Variants in SLC4A4 observed in about 807,000 individuals in gnomAD.
The protein encoded by SLC4A4 is electrogenic sodium bicarbonate cotransporter 1.
A neutral mutation model predicts 111.5 loss-of-function variants in SLC4A4; 27 were observed. The ratio of observed to expected loss-of-function variants is 0.24; its 90% confidence interval spans 0.18 to 0.33. The LOEUF (loss-of-function observed/expected upper bound fraction) is 0.33. Ranked by LOEUF, SLC4A4 falls within the 10% of genes least tolerant of loss-of-function variation. The probability of loss-of-function intolerance (pLI) is 1.00; values close to 1 mark genes in which losing one functional copy is unlikely to be tolerated. For missense variants in SLC4A4, 909 were observed against 1,315.5 expected (o/e 0.69, Z 4.78); for synonymous variants, 443 against 463.4 (o/e 0.96, Z 0.57).
At chr4:71,468,336 A>G (rs149282809) in intron 13 of SLC4A4, among the ~76,000 whole-genome samples, 190 of 152,222 alleles carry the variant, frequency 1.2e-3, no homozygotes, top group African/African-American at 4.4e-3. Context: ...AACTTTGCAG[A>G]AAGATTTATT....
intron 3 of SLC4A4, among the ~76,000 whole-genome samples, chr4:71,336,287 T>TA (rs36074139): frequency 2.6e-5 from 4 of 151,962 alleles, no homozygotes; most frequent in Non-Finnish European, 4.4e-5. Context: ...TGCATGACTG[T>TA]AAAAAAAAGA....
intron 7 of SLC4A4, among the ~76,000 whole-genome samples, chr4:71,428,811 GA>G (rs930117268): frequency 2.0e-5 from 3 of 151,974 alleles, no homozygotes; most frequent in Admixed American, 2.0e-4. Flanking sequence ...TCATGGAGGG[GA>G]AAAAATAATG....
At chr4:71,168,177 CTT>C (rs777092928) in intron 2 of SLC4A4, among the ~76,000 whole-genome samples, 1,227 of 106,176 alleles carry the variant, frequency 0.012, 10 homozygotes, top group African/African-American at 0.049. Flanking sequence ...CAATTATACT[CTT>C]TTTTTTTTTT....
At chr4:71,334,192 T>C (rs1041232046) in intron 3 of SLC4A4, among the ~76,000 whole-genome samples, 1 of 152,226 alleles carries the variant, frequency 6.6e-6, no homozygotes, top group Non-Finnish European at 1.5e-5. Flanking sequence ...GTACCCTTGA[T>C]GTTTATTCAA....
rs1479115045 is a variant in SLC4A4 at position 71,453,589 on chromosome 4, A to G, written c.1417A>G (p.Ile473Val). 1.9e-6 allele frequency: 3 copies of G among 1,613,850 alleles called. No individual in the cohort carries two copies. The highest frequency in any genetic ancestry group is 1.7e-5 in the Admixed American group (1 of 59,974). Residue 473 changes from isoleucine to valine, a missense_variant, in exon 12 of 26, where the codon ATT becomes GTT. Ile to Val is a conservative substitution (Grantham distance 29). Coordinates refer to ENST00000264485, the MANE Select transcript of SLC4A4 (RefSeq NM_001098484.3). ...DALNIQALSA[I>V]LFIYLATVTN... ...TTTAAATATTCAAGCTCTTTCGGCA[A>G]TTCTCTTCATTTATCTGGCAACTGT...
chr4:71,348,319 A>T (rs1226975492), intron 4 of SLC4A4, among the ~76,000 whole-genome samples: 4 of 98,848 alleles, frequency 4.0e-5, no homozygotes, highest in East Asian at 3.4e-4. Context: ...TTAGTCACAC[A>T]CACACACACA....
chr4:71,493,025 G>T (rs1471929034), intron 15 of SLC4A4, among the ~76,000 whole-genome samples: 1 of 151,754 alleles, frequency 6.6e-6, no homozygotes, highest in Non-Finnish European at 1.5e-5. Context: ...ACCTGTAAAG[G>T]TTACATTCGT....
chr4:71,339,157 A>T, intron 3 of SLC4A4: 1 of 1,613,112 alleles, frequency 6.2e-7, no homozygotes, highest in Non-Finnish European at 8.5e-7. Context: ...AGTGGTGGAG[A>T]ACCAAGATAC....
chr4:71,392,798 T>C (rs1222201895), intron 6 of SLC4A4, among the ~76,000 whole-genome samples: 1 of 151,744 alleles, frequency 6.6e-6, no homozygotes, highest in Non-Finnish European at 1.5e-5. Context: ...CAACAACATA[T>C]CAAAAAGATA....
intron 6 of SLC4A4, among the ~76,000 whole-genome samples, chr4:71,362,470 A>T (rs1730882388): frequency 6.6e-6 from 1 of 152,232 alleles, no homozygotes; most frequent in Non-Finnish European, 1.5e-5. Context: ...ATGTTAGTAA[A>T]TTTTATACAA....
intron 7 of SLC4A4, among the ~76,000 whole-genome samples, chr4:71,409,467 G>T (rs924079246): frequency 6.6e-6 from 1 of 152,230 alleles, no homozygotes; most frequent in Non-Finnish European, 1.5e-5. Context: ...GAGGCATTCT[G>T]CCCCTGCCCT....
chr4:71,138,011 A>G (rs1039004907), intron 2 of SLC4A4, among the ~76,000 whole-genome samples: 3 of 152,206 alleles, frequency 2.0e-5, no homozygotes, highest in African/African-American at 7.2e-5. Flanking sequence ...TTAGATTTTC[A>G]ATAAGAATGC....
chr4:71,319,119 A>T (rs535488306), intron 3 of SLC4A4, among the ~76,000 whole-genome samples: 1 of 152,100 alleles, frequency 6.6e-6, no homozygotes, highest in African/African-American at 2.4e-5. Context: ...TATCAATAGG[A>T]TCTGTGAATC....
At chr4:71,163,236 G>A (rs566157081) in intron 2 of SLC4A4, among the ~76,000 whole-genome samples, 1 of 152,264 alleles carries the variant, frequency 6.6e-6, no homozygotes, top group South Asian at 2.1e-4. Flanking sequence ...AGTTTTATTA[G>A]GTTGTCTACT....
In SLC4A4 at chr4:71,349,791, A is replaced by G. The variant is rs562658965; in HGVS notation, c.390-121A>G. 351 of 836,490 alleles carry G rather than the reference A, an allele frequency of 4.2e-4. 1 individual carries two copies. In the African/African-American group the frequency reaches 4.8e-3, roughly 11 times the overall value. 51.8% of individuals were successfully genotyped at this position (836,490 alleles called of 1,614,324 possible). A position where few individuals can be genotyped will look rare whatever the true frequency, so the allele number is the denominator to read the frequency against. ...ATTAATGATCTAATAAGCTATTAAT[A>G]CTCCACAAAAAGAGACATTTTGGAA... On this transcript the variant is annotated intron_variant, in intron 4 of 25. Transcript: ENST00000264485.
chr4:71,372,745 G>C (rs1457479744), intron 6 of SLC4A4, among the ~76,000 whole-genome samples: 1 of 152,114 alleles, frequency 6.6e-6, no homozygotes, highest in Non-Finnish European at 1.5e-5. Flanking sequence ...TACTGGGCAG[G>C]GACCTGGTCC....
intron 7 of SLC4A4, among the ~76,000 whole-genome samples, chr4:71,419,501 G>C (rs563679225): frequency 6.6e-6 from 1 of 152,258 alleles, no homozygotes; most frequent in South Asian, 2.1e-4. Flanking sequence ...CTCCGAGCCA[G>C]GTGCGGGATA....
rs72853287 is a variant in SLC4A4 at position 71,511,169 on chromosome 4, A to C, written c.2166+13477A>C. ...TTTACACCTTACAATTACAGTATTA[A>C]TTTTCTGAACTTAACTATACACTTA... is the stretch of plus-strand genomic sequence containing the variant. On this transcript the variant is annotated intron_variant, in intron 16 of 25. Coordinates refer to ENST00000264485, the MANE Select transcript of SLC4A4 (RefSeq NM_001098484.3). Among the ~76,000 whole-genome samples the C allele has an allele frequency of 7.9e-4, 120 of 152,232 alleles. 1 individual carries two copies. Among genetic ancestry groups the C allele is most frequent in the African/African-American group, 2.6e-3 (109 of 41,570 alleles).
At chr4:71,331,090 G>A (rs1296225998) in intron 3 of SLC4A4, among the ~76,000 whole-genome samples, 4 of 152,204 alleles carry the variant, frequency 2.6e-5, no homozygotes, top group South Asian at 4.2e-4. Context: ...AACAGGTGCT[G>A]GAGAGGATGT....
Sources: allele counts gnomAD v4.1 joint callset (sites outside exome capture counted in the v4.1 genomes callset), GRCh38; gene constraint gnomAD v4.1.1; transcripts MANE v1.5; gene names NCBI Gene and HGNC (gene_info 2026-07-23, HGNC 2026-07-21).